Variants in NCALD observed in about 807,000 individuals in gnomAD.
NCALD encodes neurocalcin delta, also known as neurocalcin-delta.
Under a neutral mutation model 18.6 loss-of-function variants are expected in NCALD, and 10 were observed. The ratio of observed to expected loss-of-function variants is 0.54; its 90% CI spans 0.33 to 0.91. NCALD has a LOEUF of 0.91. Among genes scored for constraint, NCALD ranks in the 40% least tolerant of loss-of-function variants. The pLI, the probability that NCALD is intolerant of heterozygous loss-of-function variation, is 0.03. For missense variants in NCALD, 184 were observed against 247.6 expected (o/e 0.74, Z 1.72); for synonymous variants, 88 against 87.4 (o/e 1.01, Z -0.04).
upstream of NCALD, among the ~76,000 whole-genome samples, chr8:101,795,121 T>C (rs1812590969): frequency 1.3e-5 from 2 of 152,216 alleles, no homozygotes; most frequent in African/African-American, 4.8e-5. Context: ...ATATTTAGAA[T>C]GCACAGGCTT....
chr8:101,907,528 A>C (rs1817650712), intron 3 of NCALD, among the ~76,000 whole-genome samples: 1 of 151,032 alleles, frequency 6.6e-6, no homozygotes, highest in African/African-American at 2.4e-5. Flanking sequence ...TATTGTATTA[A>C]ATATTTTATT....
intron 1 of NCALD, among the ~76,000 whole-genome samples, chr8:102,021,002 T>A (rs1173970136): frequency 6.6e-6 from 1 of 152,208 alleles, no homozygotes; most frequent in Non-Finnish European, 1.5e-5. Flanking sequence ...TCCACTTAAG[T>A]GTTGCTCCTC....
intron 3 of NCALD, chr8:101,692,504 T>C (rs897314003): frequency 2.0e-6 from 2 of 985,344 alleles, no homozygotes; most frequent in Admixed American, 6.1e-5. Flanking sequence ...GTGCTAACAA[T>C]GGTTTCTTGG....
At chr8:101,984,971 G>C (rs1009983052) in intron 2 of NCALD, among the ~76,000 whole-genome samples, 1 of 152,144 alleles carries the variant, frequency 6.6e-6, no homozygotes, top group Non-Finnish European at 1.5e-5. Flanking sequence ...CCTTTAAGTA[G>C]CCTGTGACAG....
At chr8:102,033,009 C>T (rs956624731) in intron 1 of NCALD, among the ~76,000 whole-genome samples, 1 of 152,130 alleles carries the variant, frequency 6.6e-6, no homozygotes, top group Non-Finnish European at 1.5e-5. Context: ...TGGATTCTTT[C>T]CAGTATGAAG....
intron 1 of NCALD, among the ~76,000 whole-genome samples, chr8:102,096,442 G>A (rs369590059): frequency 1.3e-5 from 2 of 152,106 alleles, no homozygotes; most frequent in East Asian, 3.8e-4. Context: ...TGACTTCCTA[G>A]AACTGAATTG....
At chr8:101,875,974 C>T (rs143196375) in intron 4 of NCALD, among the ~76,000 whole-genome samples, 1,592 of 152,340 alleles carry the variant, frequency 0.01, 16 homozygotes, top group Middle Eastern at 0.037. Context: ...CTTGGCCTCT[C>T]TTTCCTCTCA....
At chr8:102,078,226 T>C (rs1824411221) in intron 1 of NCALD, among the ~76,000 whole-genome samples, 1 of 151,986 alleles carries the variant, frequency 6.6e-6, no homozygotes. Flanking sequence ...CTACAAATCC[T>C]GCAATATCCC....
intron 4 of NCALD, among the ~76,000 whole-genome samples, chr8:101,825,196 T>A (rs1286094888): frequency 6.6e-6 from 1 of 152,232 alleles, no homozygotes; most frequent in African/African-American, 2.4e-5. Flanking sequence ...TGTCATCCTC[T>A]GAGCAGAAGG....
intron 1 of NCALD, among the ~76,000 whole-genome samples, chr8:101,783,206 T>C (rs191298199): frequency 1.8e-4 from 27 of 152,274 alleles, no homozygotes; most frequent in African/African-American, 6.3e-4. Flanking sequence ...GAGAGTCTTC[T>C]TAAGGGAAGA....
intron 1 of NCALD, among the ~76,000 whole-genome samples, chr8:102,022,011 G>A (rs556534567): frequency 1.3e-5 from 2 of 152,308 alleles, no homozygotes; most frequent in South Asian, 2.1e-4. Context: ...TTTGTACAGG[G>A]TCCCAGCAGA....
At chr8:101,972,890 C>T (rs1197211420) in intron 2 of NCALD, among the ~76,000 whole-genome samples, 2 of 152,068 alleles carry the variant, frequency 1.3e-5, no homozygotes, top group East Asian at 1.9e-4. Flanking sequence ...AGGATCGGCT[C>T]ACAACAAACA....
chr8:101,826,778 G>A (rs969162218), intron 4 of NCALD, among the ~76,000 whole-genome samples: 2 of 152,010 alleles, frequency 1.3e-5, no homozygotes, highest in South Asian at 2.1e-4. Context: ...TTAACAATTC[G>A]GCAGGCATTA....
intron 1 of NCALD, chr8:102,069,987 G>C (rs1824129462): frequency 6.6e-6 from 1 of 152,132 alleles, no homozygotes; most frequent in African/African-American, 2.4e-5. Flanking sequence ...GGTGGCACTT[G>C]CCTGTAATCC....
At chr8:101,766,416 T>G (rs1223479091) in intron 1 of NCALD, among the ~76,000 whole-genome samples, 1 of 152,202 alleles carries the variant, frequency 6.6e-6, no homozygotes, top group Non-Finnish European at 1.5e-5. Context: ...AGGGGATGAT[T>G]AACAATTTGG....
intron 4 of NCALD, among the ~76,000 whole-genome samples, chr8:101,859,801 T>G (rs937586467): frequency 7.2e-5 from 11 of 152,160 alleles, no homozygotes; most frequent in Admixed American, 2.6e-4. Context: ...AGAGAAACTA[T>G]CAGCCTGTTC....
At chr8:101,991,095 C>T (rs534689172) in intron 2 of NCALD, among the ~76,000 whole-genome samples, 2 of 152,258 alleles carry the variant, frequency 1.3e-5, no homozygotes, top group South Asian at 2.1e-4. Context: ...TAAGCAGAAA[C>T]GAAGGCATAC....
At chr8:101,880,278 G>C (rs1019299515) in intron 4 of NCALD, among the ~76,000 whole-genome samples, 10 of 152,146 alleles carry the variant, frequency 6.6e-5, no homozygotes, top group African/African-American at 1.9e-4. Context: ...AGCAGCACTG[G>C]CCAGCCGCTC....
intron 1 of NCALD, among the ~76,000 whole-genome samples, chr8:102,078,144 CA>C (rs1178311503): frequency 6.6e-6 from 1 of 152,138 alleles, no homozygotes; most frequent in East Asian, 1.9e-4. Flanking sequence ...CCCATGCAAC[CA>C]GTTGCTCTGG....
Sources: allele counts gnomAD v4.1 joint callset (sites outside exome capture counted in the v4.1 genomes callset), GRCh38; gene constraint gnomAD v4.1.1; transcripts MANE v1.5; gene names NCBI Gene and HGNC (gene_info 2026-07-23, HGNC 2026-07-21).